Variants in ATRNL1 observed in about 807,000 individuals in gnomAD.
ATRNL1 encodes attractin-like protein 1.
In ATRNL1, 95 loss-of-function variants were observed where a neutral mutation model predicts 182.7. The ratio of observed to expected loss-of-function variants is 0.52; its 90% CI spans 0.44 to 0.62. The LOEUF (loss-of-function observed/expected upper bound fraction) is 0.62, where lower values mean the gene tolerates loss of function less well. Among genes scored for constraint, ATRNL1 ranks in the 20% least tolerant of loss-of-function variants. The pLI, the probability that ATRNL1 is intolerant of heterozygous loss-of-function variation, is 0.00. For synonymous variants in ATRNL1, 576 were observed against 568.3 expected (o/e 1.01, Z -0.19); for missense variants, 1,471 against 1,679.5 (o/e 0.88, Z 2.17).
chr10:115,544,651 C>T (rs1852544359), intron 25 of ATRNL1, among the ~76,000 whole-genome samples: 1 of 152,128 alleles, frequency 6.6e-6, no homozygotes, highest in Admixed American at 6.5e-5. Context: ...ACCCGAATAC[C>T]AGGCCCCACC....
chr10:115,895,896 T>C (rs1309565012), intron 28 of ATRNL1, among the ~76,000 whole-genome samples: 1 of 152,144 alleles, frequency 6.6e-6, no homozygotes, highest in Non-Finnish European at 1.5e-5. Flanking sequence ...AGTCAAGATA[T>C]TAGCAGACAG....
intron 26 of ATRNL1, among the ~76,000 whole-genome samples, chr10:115,711,680 A>C (rs1337205308): frequency 6.6e-6 from 1 of 152,128 alleles, no homozygotes; most frequent in African/African-American, 2.4e-5. Context: ...TTCTACACTG[A>C]GAAGATTCTG....
chr10:115,533,160 T>G (rs1851705347), intron 25 of ATRNL1, among the ~76,000 whole-genome samples: 1 of 152,172 alleles, frequency 6.6e-6, no homozygotes, highest in Non-Finnish European at 1.5e-5. Context: ...TTGATTGGAA[T>G]AGTTTCAGAA....
chr10:115,537,607 T>G (rs1332244668), intron 25 of ATRNL1, among the ~76,000 whole-genome samples: 1 of 152,228 alleles, frequency 6.6e-6, no homozygotes, highest in African/African-American at 2.4e-5. Context: ...AGTATGAGTA[T>G]TCTCATACTT....
At chr10:115,175,215 C>T (rs782165317) in intron 8 of ATRNL1, among the ~76,000 whole-genome samples, 1 of 152,000 alleles carries the variant, frequency 6.6e-6, no homozygotes. Flanking sequence ...TCGTGTGCTT[C>T]ATCGTTTCCT....
chr10:115,187,435 A>C (rs1847984315), intron 8 of ATRNL1, among the ~76,000 whole-genome samples: 1 of 152,154 alleles, frequency 6.6e-6, no homozygotes. Flanking sequence ...CTTACAAGAC[A>C]TGACAGCTGG....
chr10:115,167,042 G>A (rs1410321564), intron 7 of ATRNL1, among the ~76,000 whole-genome samples: 1 of 151,702 alleles, frequency 6.6e-6, no homozygotes, highest in Non-Finnish European at 1.5e-5. Flanking sequence ...TAGTTCTTAG[G>A]TTTAAGTTTT....
intron 27 of ATRNL1, among the ~76,000 whole-genome samples, chr10:115,776,339 A>G (rs1283555352): frequency 3.3e-5 from 5 of 152,220 alleles, no homozygotes; most frequent in African/African-American, 1.2e-4. Context: ...CCTCCCTAGA[A>G]GAATGTGACC....
chr10:115,243,000 A>G (rs1850485534), intron 10 of ATRNL1, among the ~76,000 whole-genome samples: 1 of 151,920 alleles, frequency 6.6e-6, no homozygotes, highest in Admixed American at 6.6e-5. Flanking sequence ...GCCTGTCAAT[A>G]TATTATTGTT....
intron 26 of ATRNL1, among the ~76,000 whole-genome samples, chr10:115,615,127 G>A (rs1018874480): frequency 6.6e-6 from 1 of 151,730 alleles, no homozygotes; most frequent in African/African-American, 2.4e-5. Context: ...TTATTTGTGT[G>A]GTTTGGTGGT....
intron 19 of ATRNL1, among the ~76,000 whole-genome samples, chr10:115,363,515 T>G (rs1165981419): frequency 1.2e-4 from 17 of 146,260 alleles, no homozygotes; most frequent in African/African-American, 2.5e-4. Context: ...AGAAGCTCTT[T>G]AGTTTAATTA....
chr10:115,199,663 G>A (rs1592246796), intron 8 of ATRNL1, among the ~76,000 whole-genome samples: 1 of 151,830 alleles, frequency 6.6e-6, no homozygotes, highest in African/African-American at 2.4e-5. Context: ...GTTGGGATTA[G>A]GTACATGAAT....
intron 19 of ATRNL1, among the ~76,000 whole-genome samples, chr10:115,389,590 A>G (rs1485858647): frequency 1.0e-5 from 1 of 99,820 alleles, no homozygotes; most frequent in African/African-American, 4.4e-5. Flanking sequence ...ATATATATAT[A>G]TTTCATCCAA....
In ATRNL1 at chr10:115,145,406, C is replaced by T. The variant is rs143587447; in HGVS notation, c.830-14634C>T. 4.9e-3 allele frequency among the ~76,000 whole-genome samples: 738 copies of T among 151,974 alleles called. 5 individuals are homozygous for T. The highest frequency in any genetic ancestry group is 0.016 in the African/African-American group (649 of 41,470). ...AAGAGGGCAATTTGTTTCCATGCCA[C>T]AATAGCATCATTGACCGAAACTGTA... is the stretch of plus-strand genomic sequence containing the variant. On this transcript the variant is annotated intron_variant, in intron 5 of 28. Transcript: ENST00000355044.
At chr10:115,847,154 T>C (rs1409387188) in intron 27 of ATRNL1, among the ~76,000 whole-genome samples, 1 of 152,022 alleles carries the variant, frequency 6.6e-6, no homozygotes, top group African/African-American at 2.4e-5. Context: ...ACATGTGGAT[T>C]CTTAAAAAAA....
At chr10:115,445,072 G>T (rs1373120239) in intron 21 of ATRNL1, among the ~76,000 whole-genome samples, 2 of 151,844 alleles carry the variant, frequency 1.3e-5, no homozygotes, top group Non-Finnish European at 2.9e-5. Context: ...GGACAGCATT[G>T]CTGAGTATAT....
At position 115,891,471 on chromosome 10, in the gene ATRNL1, G is replaced by A. The variant is rs964616469; in HGVS notation, c.4018+43480G>A. Among the ~76,000 whole-genome samples, 97 of 152,182 alleles carry A rather than the reference G, an allele frequency of 6.4e-4. 1 individual carries two copies. The highest frequency in any genetic ancestry group is 2.3e-3 in the African/African-American group (96 of 41,450). ...AATTATCTCCAAGCAAACATTTCAT[G>A]TGAACAGTATAGCAAATTATATTGT... On this transcript the variant is annotated intron_variant, in intron 28 of 28. Transcript: ENST00000355044.
At chr10:115,508,197 TG>T (rs1423041290) in intron 24 of ATRNL1, among the ~76,000 whole-genome samples, 1 of 152,038 alleles carries the variant, frequency 6.6e-6, no homozygotes, top group Non-Finnish European at 1.5e-5. Context: ...GTAATTGTTT[TG>T]GGGTGCCAAA....
intron 21 of ATRNL1, among the ~76,000 whole-genome samples, chr10:115,442,270 G>GCTCTCTCTCT (rs71895625): frequency 0.015 from 1,486 of 100,364 alleles, 64 homozygotes; most frequent in African/African-American, 0.061. Context: ...ATTTGTGTTT[G>GCTCTCTCTCT]CTCTCTCTCT....
Sources: allele counts gnomAD v4.1 joint callset (sites outside exome capture counted in the v4.1 genomes callset), GRCh38; gene constraint gnomAD v4.1.1; transcripts MANE v1.5; gene names NCBI Gene and HGNC (gene_info 2026-07-23, HGNC 2026-07-21).